ABL1: variants seen among roughly 807,000 people sequenced by gnomAD.
The protein encoded by ABL1 is ABL proto-oncogene 1, non-receptor tyrosine kinase, also known as tyrosine-protein kinase ABL1.
A neutral mutation model predicts 94.7 loss-of-function variants in ABL1; 11 were observed. The observed-to-expected ratio is 0.12, with a 90% CI of 0.07 to 0.19. The LOEUF (loss-of-function observed/expected upper bound fraction) is 0.19. Among genes scored for constraint, ABL1 ranks in the 10% least tolerant of loss-of-function variants. The pLI, the probability that ABL1 is intolerant of heterozygous loss-of-function variation, is 1.00. For missense variants in ABL1, 1,082 were observed against 1,489.4 expected, an observed-to-expected ratio of 0.73 and a Z score of 4.50; for synonymous variants, 656 against 622.4, an observed-to-expected ratio of 1.05 and a Z score of -0.80.
chr9:130,858,015 T>G lies in ABL1; in HGVS notation c.549+2919T>G, dbSNP rs115588156. Among the ~76,000 whole-genome samples the G allele has an allele frequency of 6.9e-3, 1,049 of 152,026 alleles. 12 individuals carry two copies. Among genetic ancestry groups the G allele is most frequent in the African/African-American group, 0.024 (1,004 of 41,468 alleles). ...TCAGAACACCAGGGTGCACCGCCCA[T>G]GGGGGGTGATTTTCTGGAGCAGACA... On this transcript the variant is annotated intron_variant, in intron 3 of 10. Coordinates refer to ENST00000318560, the MANE Select transcript of ABL1 (RefSeq NM_005157.6).
At chr9:130,756,825 G>A (rs752206695) in intron 1 of ABL1, among the ~76,000 whole-genome samples, 87 of 152,164 alleles carry the variant, frequency 5.7e-4, no homozygotes, top group Non-Finnish European at 1.1e-3. Context: ...TTTGGAGAAT[G>A]TATGTCTGAG....
At chr9:130,767,561 G>C (rs1341761086) in intron 1 of ABL1, among the ~76,000 whole-genome samples, 3 of 152,230 alleles carry the variant, frequency 2.0e-5, no homozygotes, top group Non-Finnish European at 4.4e-5. Context: ...TCGAACTCCT[G>C]ACCTCAGGTG....
chr9:130,871,682 A>G (rs1831254293), intron 4 of ABL1, among the ~76,000 whole-genome samples: 1 of 152,192 alleles, frequency 6.6e-6, no homozygotes, highest in Non-Finnish European at 1.5e-5. Context: ...TCTTCCCTTA[A>G]ATCAGGTACA....
At position 130,854,232 on chromosome 9, in the gene ABL1, CT is replaced by C; in HGVS notation, c.249del (p.Gly85ValfsTer7). ...VASGDNTLSITKGEKLRVLGY... is the reference protein window; with the variant it reads ...VASGDNTLSIXKGEKLRVLGY... ...AGTGGAGATAACACTCTAAGCATAA[CT>C]AAAGGTAAAAGGGTTGTGGGCAGCT... On this transcript the variant is annotated frameshift_variant, in exon 2 of 11. Coordinates refer to ENST00000318560, the MANE Select transcript of ABL1 (RefSeq NM_005157.6). LOFTEE classifies it high-confidence loss of function. 6.2e-7 allele frequency: 1 copy of C among 1,613,252 alleles called. No individual in the cohort carries two copies. Among genetic ancestry groups the C allele is most frequent in the Non-Finnish European group, 8.5e-7 (1 of 1,179,702 alleles).
At chr9:130,871,275 G>T (rs1831247909) in intron 4 of ABL1, among the ~76,000 whole-genome samples, 1 of 152,228 alleles carries the variant, frequency 6.6e-6, no homozygotes, top group South Asian at 2.1e-4. Context: ...TAGTGATGTA[G>T]GCCAAGGTCA....
chr9:130,799,937 A>G (rs1321795646), intron 1 of ABL1, among the ~76,000 whole-genome samples: 1 of 151,870 alleles, frequency 6.6e-6, no homozygotes, highest in Non-Finnish European at 1.5e-5. Context: ...CAGTGGCGCA[A>G]TCTCGGCTCA....
chr9:130,859,942 G>A (rs1564314497), intron 3 of ABL1, among the ~76,000 whole-genome samples: 1 of 152,128 alleles, frequency 6.6e-6, no homozygotes, highest in African/African-American at 2.4e-5. Flanking sequence ...GCCTCCCAAA[G>A]TGCTGGGATT....
At chr9:130,804,590 G>GA (rs939168820) in intron 1 of ABL1, among the ~76,000 whole-genome samples, 3 of 151,956 alleles carry the variant, frequency 2.0e-5, no homozygotes, top group African/African-American at 7.2e-5. Flanking sequence ...GTCTCGAAAA[G>GA]AAAAAATTCA....
chr9:130,740,150 A>G (rs764410233), intron 1 of ABL1, among the ~76,000 whole-genome samples: 1 of 152,240 alleles, frequency 6.6e-6, no homozygotes, highest in African/African-American at 2.4e-5. Context: ...TCAGTGGCCA[A>G]TTAGCAATGC....
intron 1 of ABL1, among the ~76,000 whole-genome samples, chr9:130,846,820 A>C (rs912112775): frequency 7.2e-5 from 11 of 152,234 alleles, no homozygotes; most frequent in African/African-American, 2.4e-4. Flanking sequence ...GCCATGTCCG[A>C]GAATCTTTTG....
intron 1 of ABL1, among the ~76,000 whole-genome samples, chr9:130,815,492 G>A (rs776432103): frequency 4.4e-4 from 67 of 151,932 alleles, no homozygotes; most frequent in Non-Finnish European, 7.6e-4. Context: ...GTCAAACCCC[G>A]TACCAGTCTT....
intron 1 of ABL1, among the ~76,000 whole-genome samples, chr9:130,746,177 T>C (rs1260893368): frequency 2.0e-5 from 3 of 152,012 alleles, no homozygotes; most frequent in Admixed American, 1.3e-4. Context: ...TCAGGGCAGA[T>C]TCTTCTTTCT....
At chr9:130,802,207 C>T (rs1308251503) in intron 1 of ABL1, among the ~76,000 whole-genome samples, 2 of 151,296 alleles carry the variant, frequency 1.3e-5, no homozygotes, top group African/African-American at 4.9e-5. Context: ...ATCCTCCTGC[C>T]TCAGCCTCTT....
In ABL1 at chr9:130,884,656, A is replaced by C. The variant is rs1213691129; in HGVS notation, c.2366A>C (p.Lys789Thr). The C allele has an allele frequency of 6.2e-7, 1 of 1,613,170 alleles. No homozygotes were observed. The highest frequency in any genetic ancestry group is 1.7e-5 in the Admixed American group (1 of 60,026). Residue 789 changes from lysine (K) to threonine (T), a missense_variant, in exon 11 of 11, where the codon AAG becomes ACG. Physicochemically the swap from Lys to Thr is moderately conservative, Grantham distance 78. Transcript: ENST00000318560. The surrounding 1 kb of genome is among the most constrained non-coding windows in gnomAD (Gnocchi z 5.6). ...ACGCCTCCCCCCAGGCTGGTGAAAA[A>C]GAATGAGGAAGCTGCTGATGAGGTC... The part of the protein sequence containing the change: ...TVTPPPRLVK[K>T]NEEAADEVFK...
chr9:130,799,354 G>C (rs1398912063), intron 1 of ABL1, among the ~76,000 whole-genome samples: 1 of 152,210 alleles, frequency 6.6e-6, no homozygotes, highest in Non-Finnish European at 1.5e-5. Flanking sequence ...GTTTCAGGCA[G>C]ATTGACACTA....
intron 1 of ABL1, among the ~76,000 whole-genome samples, chr9:130,821,503 G>A (rs1231967604): frequency 3.3e-5 from 5 of 151,926 alleles, no homozygotes; most frequent in Middle Eastern, 3.4e-3. Context: ...TCCATTGTAC[G>A]GACATACATT....
At chr9:130,726,978 A>G (rs1279470508) in intron 1 of ABL1, among the ~76,000 whole-genome samples, 3 of 152,162 alleles carry the variant, frequency 2.0e-5, no homozygotes, top group South Asian at 2.1e-4. Flanking sequence ...GGAATTCTAG[A>G]TATCTTGGTT....
chr9:130,735,962 T>TATATATATA (rs1554757971), intron 1 of ABL1, among the ~76,000 whole-genome samples: 116 of 48,614 alleles, frequency 2.4e-3, no homozygotes, highest in African/African-American at 0.019. Context: ...TATATATATA[T>TATATATATA]TTTTTTTTTT....
chr9:130,745,531 C>T (rs1484342191), intron 1 of ABL1, among the ~76,000 whole-genome samples: 1 of 151,592 alleles, frequency 6.6e-6, no homozygotes, highest in Non-Finnish European at 1.5e-5. Flanking sequence ...TGGTCTCTCT[C>T]TCCCTCTCCT....
Sources: gnomAD v4.1 joint callset for allele counts (sites outside exome capture counted in the v4.1 genomes callset) on GRCh38, gnomAD v4.1.1 for gene constraint, Gnocchi (gnomAD v3.1) non-coding constraint, MANE v1.5 for transcripts, NCBI Gene and HGNC (gene_info 2026-07-23, HGNC 2026-07-21) for gene names.